Variants in DNAAF9 observed in about 807,000 individuals in gnomAD.
DNAAF9 encodes dynein axonemal assembly factor 9, also known as shulin.
Under a neutral mutation model 167.0 loss-of-function variants are expected in DNAAF9, and 90 were observed. That is an observed-to-expected ratio of 0.54 (90% confidence interval 0.45 to 0.64). The LOEUF is 0.64. DNAAF9 is among the 30% of genes least tolerant of loss of function. DNAAF9 has a pLI of 0.00. For synonymous variants in DNAAF9, 491 were observed against 508.8 expected (o/e 0.96, Z 0.47); for missense variants, 1,315 against 1,442.2 (o/e 0.91, Z 1.43).
Position 3,252,444 on chromosome 20 carries a change from C to G in DNAAF9, c.*128G>C. 1.5e-6 allele frequency: 1 copy of G among 658,008 alleles called. No homozygotes were observed. Among genetic ancestry groups the G allele is most frequent in the South Asian group, 1.8e-5 (1 of 56,366 alleles). The allele number at this position is 658,008 out of a possible 1,614,324, so 40.8% of individuals were successfully genotyped here. A position where few individuals can be genotyped will look rare whatever the true frequency, so the allele number is the denominator to read the frequency against. ...TAAAGACAACATGCACTCAAGCCAG[C>G]CCACACAGGCCAAGGAGAACAAAGA... On this transcript the variant is annotated 3_prime_UTR_variant, in exon 37 of 37. Transcript: ENST00000252032.
chr20:3,259,991 G>A lies in DNAAF9; in HGVS notation c.2911C>T (p.Leu971=). The part of the protein sequence containing the change: ...GKLNAGSVYP[L]MVQICVWFGR... ...AACCATACGCAGATCTGAACCATTAGGGGATAGACTGATCCAGCATTCAAT... is the reference window on the plus strand; with the variant it reads ...AACCATACGCAGATCTGAACCATTAAGGGATAGACTGATCCAGCATTCAAT... The change falls in exon 32 of 37, where the codon CTA becomes TTA. Residue 971 remains leucine, a synonymous_variant. Transcript: ENST00000252032. The A allele has an allele frequency of 3.1e-6, 5 of 1,612,390 alleles. No homozygotes were observed. Among genetic ancestry groups the A allele is most frequent in the Non-Finnish European group, 4.2e-6 (5 of 1,178,358 alleles).
chr20:3,365,582 G>C (rs1283351433), intron 6 of DNAAF9, among the ~76,000 whole-genome samples: 1 of 151,990 alleles, frequency 6.6e-6, no homozygotes, highest in African/African-American at 2.4e-5. Flanking sequence ...AGTAGAGACA[G>C]GGTTTCACCA....
intron 30 of DNAAF9, among the ~76,000 whole-genome samples, chr20:3,267,096 C>T (rs1489499629): frequency 6.6e-6 from 1 of 151,172 alleles, no homozygotes; most frequent in South Asian, 2.1e-4. Context: ...AGGTGATCTG[C>T]CTGCCTCGGC....
At chr20:3,327,079 G>C (rs377030157) in intron 12 of DNAAF9, among the ~76,000 whole-genome samples, 15 of 152,196 alleles carry the variant, frequency 9.9e-5, no homozygotes, top group African/African-American at 2.9e-4. Flanking sequence ...CGGGAGAAGA[G>C]AGATGACCAG....
At chr20:3,283,090 C>T (rs2068789850) in intron 27 of DNAAF9, among the ~76,000 whole-genome samples, 1 of 152,194 alleles carries the variant, frequency 6.6e-6, no homozygotes, top group Non-Finnish European at 1.5e-5. Flanking sequence ...TGAGCAGGCC[C>T]CTGGCCACTT....
intron 2 of DNAAF9, 71 bp downstream of exon 2, chr20:3,382,356 T>C: frequency 9.0e-7 from 1 of 1,112,520 alleles, no homozygotes; most frequent in Non-Finnish European, 1.4e-6. Context: ...CTACTATTAC[T>C]AATACCTTCC....
chr20:3,337,286 C>T (rs1339094024), intron 10 of DNAAF9, among the ~76,000 whole-genome samples: 4 of 143,658 alleles, frequency 2.8e-5, no homozygotes, highest in Admixed American at 6.9e-5. Flanking sequence ...TTTTTTGAGA[C>T]GGAGTCTTGC....
chr20:3,390,580 T>C (rs1394337795), intron 1 of DNAAF9, among the ~76,000 whole-genome samples: 2 of 152,142 alleles, frequency 1.3e-5, no homozygotes, highest in African/African-American at 4.8e-5. Context: ...GGCCAGGCTG[T>C]TCTCGAACTC....
At chr20:3,289,107 T>C (rs1472797516) in intron 26 of DNAAF9, among the ~76,000 whole-genome samples, 1 of 152,126 alleles carries the variant, frequency 6.6e-6, no homozygotes, top group East Asian at 1.9e-4. Flanking sequence ...AGCTACTTTG[T>C]AGAATGAGGT....
intron 20 of DNAAF9, among the ~76,000 whole-genome samples, chr20:3,313,189 G>A (rs2069443899): frequency 1.3e-5 from 2 of 152,214 alleles, no homozygotes; most frequent in Non-Finnish European, 2.9e-5. Flanking sequence ...ATGCAATCTT[G>A]CCTCAAGGCT....
At chr20:3,288,811 C>T (rs1039300530) in intron 26 of DNAAF9, among the ~76,000 whole-genome samples, 9 of 152,176 alleles carry the variant, frequency 5.9e-5, no homozygotes, top group African/African-American at 1.7e-4. Context: ...CCTGTTCCAG[C>T]TGCATCTGAA....
At chr20:3,393,762 G>A (rs893107170) in intron 1 of DNAAF9, among the ~76,000 whole-genome samples, 1 of 152,118 alleles carries the variant, frequency 6.6e-6, no homozygotes. Context: ...ATTTTGATAG[G>A]TGTTGCCAAA....
At chr20:3,378,047 C>A (rs1417444010) in intron 3 of DNAAF9, among the ~76,000 whole-genome samples, 1 of 152,198 alleles carries the variant, frequency 6.6e-6, no homozygotes, top group Non-Finnish European at 1.5e-5. Context: ...CTGGGTCTGG[C>A]AATGCAGTTG....
intron 30 of DNAAF9, among the ~76,000 whole-genome samples, chr20:3,266,848 C>G (rs1280671533): frequency 6.9e-6 from 1 of 145,194 alleles, no homozygotes; most frequent in Non-Finnish European, 1.5e-5. Context: ...ATCCTGCCCC[C>G]TTCCACCTTT....
intron 1 of DNAAF9, among the ~76,000 whole-genome samples, chr20:3,396,244 GC>G (rs1189415898): frequency 1.1e-4 from 16 of 152,180 alleles, no homozygotes; most frequent in Non-Finnish European, 2.4e-4. Flanking sequence ...CAAAGAACTT[GC>G]TAAACTCTAA....
chr20:3,267,600 C>T (rs1284423177), intron 30 of DNAAF9, among the ~76,000 whole-genome samples: 8 of 151,822 alleles, frequency 5.3e-5, no homozygotes, highest in Admixed American at 2.0e-4. Context: ...TTTGGGAGGC[C>T]GAGGTGGGTG....
At chr20:3,399,576 C>A (rs961364651) in intron 1 of DNAAF9, among the ~76,000 whole-genome samples, 1 of 152,066 alleles carries the variant, frequency 6.6e-6, no homozygotes, top group African/African-American at 2.4e-5. Flanking sequence ...CCTTTGCCTC[C>A]AGAGTTGATC....
chr20:3,327,148 A>G (rs2069725477), intron 12 of DNAAF9, among the ~76,000 whole-genome samples: 1 of 152,116 alleles, frequency 6.6e-6, no homozygotes, highest in East Asian at 1.9e-4. Context: ...GTCCCTAGAA[A>G]AACCAGTCTG....
chr20:3,273,915 G>A (rs1370197552), intron 29 of DNAAF9, among the ~76,000 whole-genome samples: 1 of 152,018 alleles, frequency 6.6e-6, no homozygotes, highest in Non-Finnish European at 1.5e-5. Flanking sequence ...TTTTCCACAA[G>A]TAGTGACACA....
Sources: allele counts gnomAD v4.1 joint callset (sites outside exome capture counted in the v4.1 genomes callset), GRCh38; gene constraint gnomAD v4.1.1; transcripts MANE v1.5; gene names NCBI Gene and HGNC (gene_info 2026-07-23, HGNC 2026-07-21).